NME8: variants seen among roughly 807,000 people sequenced by gnomAD.
The protein encoded by NME8 is NME/NM23 family member 8.
In NME8, 72 loss-of-function variants were observed where a neutral mutation model predicts 82.3. The observed-to-expected ratio is 0.87, with a 90% CI of 0.72 to 1.06. The LOEUF is 1.06. Among genes scored for constraint, NME8 ranks in the 50% least tolerant of loss-of-function variants. The pLI is 0.00. For missense variants in NME8, 712 were observed against 685.4 expected (o/e 1.04, Z -0.43); for synonymous variants, 267 against 228.5 (o/e 1.17, Z -1.52).
intron 5 of NME8, 92 bp from the exon 6 acceptor site, chr7:37,857,182 T>TTA (rs1784523745): frequency 2.0e-6 from 2 of 1,011,482 alleles, no homozygotes; most frequent in Non-Finnish European, 3.0e-6. Flanking sequence ...AACCTAAAAA[T>TTA]TATATATATC....
At chr7:37,861,310 C>G (rs982771839) in intron 6 of NME8, among the ~76,000 whole-genome samples, 45 of 152,290 alleles carry the variant, frequency 3.0e-4, no homozygotes, top group African/African-American at 9.9e-4. Flanking sequence ...TCCCTTCCAG[C>G]TTTAGAACCC....
intron 4 of NME8, 42 bp downstream of exon 4, chr7:37,850,477 C>T (rs762350734): frequency 4.2e-5 from 67 of 1,607,188 alleles, no homozygotes; most frequent in Non-Finnish European, 5.7e-5. Flanking sequence ...GGGGTTTGAC[C>T]CGGAGCTCCT....
rs1261137769 is a variant in NME8, at chr7:37,867,782, T to C, written c.702T>C (p.Asn234=). The C allele has an allele frequency of 6.2e-7, 1 of 1,613,728 alleles. No individual in the cohort carries two copies. The highest frequency in any genetic ancestry group is 1.7e-5 in the Admixed American group (1 of 59,984). Residue 234 remains asparagine, a synonymous_variant, in exon 11 of 18, where the codon AAT becomes AAC. Coordinates refer to ENST00000199447, the MANE Select transcript of NME8 (RefSeq NM_016616.5). ...TTGTATCTCAAGGAAGTAAACACAATCCTCCCTCTGAAGAAACCGAACCAC... is the reference window on the plus strand; with the variant it reads ...TTGTATCTCAAGGAAGTAAACACAACCCTCCCTCTGAAGAAACCGAACCAC... ...ILVVSQGSKH[N]PPSEETEPQT...
chr7:37,882,601 G>A (rs10233131), intron 12 of NME8, among the ~76,000 whole-genome samples: 6,831 of 35,332 alleles, frequency 0.19, 388 homozygotes, highest in East Asian at 0.43. Flanking sequence ...GAAAGAAAGA[G>A]AGAGAGAGAG....
intron 6 of NME8, among the ~76,000 whole-genome samples, chr7:37,859,218 CCTT>C (rs1784562074): frequency 6.6e-6 from 1 of 152,310 alleles, no homozygotes; most frequent in African/African-American, 2.4e-5. Flanking sequence ...GCCCCACTCT[CCTT>C]AAGTGTACCA....
intron 17 of NME8, 58 bp downstream of exon 17, chr7:37,897,165 A>G: frequency 9.3e-7 from 1 of 1,070,224 alleles, no homozygotes; most frequent in Non-Finnish European, 1.4e-6. Flanking sequence ...GACTGAGGCT[A>G]GGACAAACCT....
intron 11 of NME8, among the ~76,000 whole-genome samples, chr7:37,872,400 C>A (rs549133708): frequency 6.6e-6 from 1 of 152,192 alleles, no homozygotes; most frequent in Admixed American, 6.5e-5. Context: ...GGGAGACTGG[C>A]AGCCAGAGAA....
intron 14 of NME8, 55 bp downstream of exon 14, chr7:37,885,307 C>A (rs1328958627): frequency 2.8e-6 from 3 of 1,060,382 alleles, no homozygotes; most frequent in Non-Finnish European, 4.4e-6. Flanking sequence ...TTTTAAACAC[C>A]TTTTTAGATG....
intron 12 of NME8, among the ~76,000 whole-genome samples, chr7:37,879,126 T>TTTTA (rs146122546): frequency 2.7e-5 from 4 of 150,046 alleles, no homozygotes; most frequent in East Asian, 1.9e-4. Flanking sequence ...AGCCTTTTCA[T>TTTTA]TATATATATA....
intron 15 of NME8, among the ~76,000 whole-genome samples, chr7:37,889,235 A>G (rs1382727439): frequency 6.6e-6 from 1 of 151,826 alleles, no homozygotes; most frequent in African/African-American, 2.4e-5. Context: ...TATCATTATT[A>G]TATTTCCTCC....
At chr7:37,856,869 T>C (rs1165860141) in intron 5 of NME8, among the ~76,000 whole-genome samples, 1 of 152,060 alleles carries the variant, frequency 6.6e-6, no homozygotes, top group Non-Finnish European at 1.5e-5. Context: ...CACACGTGCC[T>C]GTAGTAGAAT....
At chr7:37,890,869 T>C (rs894765658) in intron 15 of NME8, among the ~76,000 whole-genome samples, 4 of 152,038 alleles carry the variant, frequency 2.6e-5, no homozygotes, top group African/African-American at 9.7e-5. Context: ...TTAGGTTGAT[T>C]CCAAATCTTG....
intron 12 of NME8, among the ~76,000 whole-genome samples, chr7:37,881,585 G>A (rs1784946338): frequency 6.6e-6 from 1 of 152,092 alleles, no homozygotes; most frequent in Non-Finnish European, 1.5e-5. Context: ...CTGCTCCTAT[G>A]TTCATGAGAG....
intron 16 of NME8, 89 bp downstream of exon 16, chr7:37,894,699 A>G: frequency 9.8e-6 from 12 of 1,222,984 alleles, no homozygotes; most frequent in Non-Finnish European, 1.3e-5. Context: ...TAATTAAAAC[A>G]TTTCATCTAA....
At chr7:37,876,193 C>T (rs1011253320) in intron 11 of NME8, among the ~76,000 whole-genome samples, 25 of 148,752 alleles carry the variant, frequency 1.7e-4, no homozygotes, top group East Asian at 6.0e-4. Flanking sequence ...GGTGACAGAG[C>T]GAGACTCCAT....
intron 15 of NME8, among the ~76,000 whole-genome samples, chr7:37,891,564 T>C (rs2131972952): frequency 6.6e-6 from 1 of 152,136 alleles, no homozygotes; most frequent in African/African-American, 2.4e-5. Context: ...GTGTGGTCTT[T>C]TACATTTTCT....
intron 11 of NME8, among the ~76,000 whole-genome samples, chr7:37,871,215 C>T (rs1784762491): frequency 6.6e-6 from 1 of 152,274 alleles, no homozygotes; most frequent in South Asian, 2.1e-4. Context: ...CAAACACTCA[C>T]AGCTTATGAA....
chr7:37,881,236 C>T (rs1054513634), intron 12 of NME8, among the ~76,000 whole-genome samples: 4 of 151,796 alleles, frequency 2.6e-5, no homozygotes, highest in Non-Finnish European at 5.9e-5. Context: ...CTTTTTTTTC[C>T]GATCTTAGAG....
intron 9 of NME8, 144 bp from the exon 10 acceptor site, chr7:37,865,381 A>T (rs1784661201): frequency 3.0e-6 from 2 of 662,382 alleles, no homozygotes; most frequent in Non-Finnish European, 2.8e-6. Context: ...GAGCCACTTC[A>T]AACCAAGTGT....
Sources: gnomAD v4.1 joint callset for allele counts (sites outside exome capture counted in the v4.1 genomes callset) on GRCh38, gnomAD v4.1.1 for gene constraint, MANE v1.5 for transcripts, NCBI Gene and HGNC (gene_info 2026-07-23, HGNC 2026-07-21) for gene names.